PM20D2: variants seen among roughly 807,000 people sequenced by gnomAD.
PM20D2 encodes the protein xaa-Arg dipeptidase.
Under a neutral mutation model 42.9 loss-of-function variants are expected in PM20D2, and 33 were observed. The observed-to-expected ratio is 0.77, with a 90% CI of 0.58 to 1.03. PM20D2 has a LOEUF of 1.03. Among genes scored for constraint, PM20D2 ranks in the 50% least tolerant of loss-of-function variants. The pLI is 0.00. For missense variants in PM20D2, 548 were observed against 557.0 expected (o/e 0.98, Z 0.16); for synonymous variants, 250 against 228.2 (o/e 1.10, Z -0.86).
the PM20D2 span, chr6:89,105,361 A>G: frequency 2.6e-6 from 4 of 1,562,770 alleles, no homozygotes; most frequent in Non-Finnish European, 3.5e-6. Flanking sequence ...TTTTAAATTA[A>G]AAAATCAGTC....
intron 5 of PM20D2, among the ~76,000 whole-genome samples, chr6:89,159,797 G>T (rs1172430561): frequency 6.6e-6 from 1 of 152,148 alleles, no homozygotes; most frequent in African/African-American, 2.4e-5. Flanking sequence ...GAGAGGAGTT[G>T]TCCAGGGACA....
chr6:89,098,893 T>G, the PM20D2 span: 1 of 1,613,982 alleles, frequency 6.2e-7, no homozygotes, highest in Admixed American at 1.7e-5. Flanking sequence ...ACCGCCTTGG[T>G]AATGATTTGG....
the PM20D2 span, among the ~76,000 whole-genome samples, chr6:89,130,582 C>T: frequency 6.7e-4 from 102 of 152,168 alleles, 1 homozygote; most frequent in East Asian, 0.016. Flanking sequence ...AGAGGAATCG[C>T]CACTTTGATT....
the PM20D2 span, among the ~76,000 whole-genome samples, chr6:89,108,882 A>ATTGAC: frequency 6.6e-6 from 1 of 152,218 alleles, no homozygotes; most frequent in Non-Finnish European, 1.5e-5. Flanking sequence ...TTCAACAAAA[A>ATTGAC]TTGACTAAGC....
At chr6:89,114,231 C>G in the PM20D2 span, among the ~76,000 whole-genome samples, 2 of 152,148 alleles carry the variant, frequency 1.3e-5, no homozygotes, top group Non-Finnish European at 2.9e-5. Context: ...AGTTCGAGAC[C>G]AGCCTGGCCA....
At chr6:89,111,109 CT>C in the PM20D2 span, among the ~76,000 whole-genome samples, 1,893 of 120,666 alleles carry the variant, frequency 0.016, 20 homozygotes, top group Non-Finnish European at 0.02. Flanking sequence ...TGAGACTTGT[CT>C]TTTTTTTTTT....
chr6:89,117,714 G>C, the PM20D2 span: 1 of 1,124,396 alleles, frequency 8.9e-7, no homozygotes. Flanking sequence ...CCCGCGGGGA[G>C]GCTCCGCGCA....
chr6:89,152,991 TTACTTTAGCAA>T (rs2127777647), intron 2 of PM20D2, 41 bp from the exon 3 acceptor site: 4 of 1,458,736 alleles, frequency 2.7e-6, no homozygotes, highest in Non-Finnish European at 3.7e-6. Flanking sequence ...CTGGATTTTC[TTACTTTAGCAA>T]TAATAACAAA....
the PM20D2 span, among the ~76,000 whole-genome samples, chr6:89,112,508 G>C: frequency 6.8e-6 from 1 of 146,860 alleles, no homozygotes; most frequent in East Asian, 2.0e-4. Context: ...GTGCAGTGGT[G>C]ATATCATAAC....
At chr6:89,131,020 G>A in the PM20D2 span, among the ~76,000 whole-genome samples, 542 of 151,694 alleles carry the variant, frequency 3.6e-3, 5 homozygotes, top group African/African-American at 0.012. Flanking sequence ...TACAGTTCTG[G>A]AAGCTGAAAA....
At chr6:89,144,952 A>G (rs1214511962), upstream of PM20D2, among the ~76,000 whole-genome samples, 5 of 152,248 alleles carry the variant, frequency 3.3e-5, no homozygotes, top group African/African-American at 1.2e-4. Flanking sequence ...TTATTAGCAT[A>G]TAGAGTAGTA....
upstream of PM20D2, among the ~76,000 whole-genome samples, chr6:89,144,401 G>T (rs1225061719): frequency 6.6e-6 from 1 of 152,166 alleles, no homozygotes; most frequent in East Asian, 1.9e-4. Flanking sequence ...AATGAGTGTT[G>T]TGGGTTCTGA....
chr6:89,119,035 A>G, the PM20D2 span, among the ~76,000 whole-genome samples: 3 of 152,296 alleles, frequency 2.0e-5, no homozygotes, highest in East Asian at 3.9e-4. Flanking sequence ...TTTCGCTCGC[A>G]GAAGTGGTAG....
At chr6:89,148,700 C>A in intron 1 of PM20D2, 1 of 414,388 alleles carries the variant, frequency 2.4e-6, no homozygotes, top group Non-Finnish European at 3.2e-6. Flanking sequence ...GAGTTTAGGC[C>A]AGAAGATCAG....
At chr6:89,125,223 G>A in the PM20D2 span, among the ~76,000 whole-genome samples, 4 of 152,228 alleles carry the variant, frequency 2.6e-5, no homozygotes, top group Non-Finnish European at 4.4e-5. Flanking sequence ...GCTCACGCCT[G>A]TAATCCCAGC....
chr6:89,123,925 T>C, the PM20D2 span, among the ~76,000 whole-genome samples: 1 of 151,884 alleles, frequency 6.6e-6, no homozygotes, highest in African/African-American at 2.4e-5. Context: ...TAGTCCCAGC[T>C]ACTCTGGAGG....
intron 4 of PM20D2, among the ~76,000 whole-genome samples, chr6:89,155,838 A>G (rs1209155132): frequency 1.3e-5 from 2 of 151,210 alleles, no homozygotes; most frequent in Non-Finnish European, 2.9e-5. Flanking sequence ...CAGCCTTCCA[A>G]GTAGCTGGGA....
At chr6:89,156,144 A>G (rs1771043287) in intron 4 of PM20D2, among the ~76,000 whole-genome samples, 1 of 152,120 alleles carries the variant, frequency 6.6e-6, no homozygotes, top group African/African-American at 2.4e-5. Context: ...TCAGCCTCCC[A>G]AAGTGCTGGA....
At chr6:89,122,360 A>G in the PM20D2 span, among the ~76,000 whole-genome samples, 33,823 of 152,070 alleles carry the variant, frequency 0.22, 4,380 homozygotes, top group East Asian at 0.63. Context: ...GGCTGTCACT[A>G]TTTCTTCCTA....
Sources: allele counts gnomAD v4.1 joint callset (sites outside exome capture counted in the v4.1 genomes callset), GRCh38; gene constraint gnomAD v4.1.1; transcripts MANE v1.5; gene names NCBI Gene and HGNC (gene_info 2026-07-23, HGNC 2026-07-21).